SCN11A: variants seen among roughly 807,000 people sequenced by gnomAD.
The protein encoded by SCN11A is sodium voltage-gated channel alpha subunit 11.
In SCN11A, 122 loss-of-function variants were observed where a neutral mutation model predicts 162.2. The ratio of observed to expected loss-of-function variants is 0.75; its 90% CI spans 0.65 to 0.87. SCN11A has a LOEUF of 0.87. Among genes scored for constraint, SCN11A ranks in the 40% least tolerant of loss-of-function variants. The pLI, the probability that SCN11A is intolerant of heterozygous loss-of-function variation, is 0.00. For missense variants in SCN11A, 2,015 were observed against 2,181.6 expected (o/e 0.92, Z 1.52); for synonymous variants, 758 against 751.5 (o/e 1.01, Z -0.14).
chr3:38,957,202 A>T (rs932974568), intron 3 of SCN11A, among the ~76,000 whole-genome samples: 1 of 152,218 alleles, frequency 6.6e-6, no homozygotes, highest in African/African-American at 2.4e-5. Flanking sequence ...CTTAAAAAAA[A>T]ATTAAAGAGA....
intron 9 of SCN11A, among the ~76,000 whole-genome samples, chr3:38,923,370 C>T (rs1204297189): frequency 1.3e-5 from 2 of 152,144 alleles, no homozygotes; most frequent in Non-Finnish European, 2.9e-5. Flanking sequence ...TCTGACTTCT[C>T]CCTGGACTCC....
chr3:39,033,214 A>T (rs2031810724), intron 1 of SCN11A, among the ~76,000 whole-genome samples: 2 of 152,072 alleles, frequency 1.3e-5, no homozygotes, highest in Non-Finnish European at 2.9e-5. Flanking sequence ...AATTGGCAGA[A>T]GAAAGATCAA....
intron 2 of SCN11A, among the ~76,000 whole-genome samples, chr3:39,004,320 C>T (rs1423077371): frequency 6.6e-6 from 1 of 152,104 alleles, no homozygotes; most frequent in East Asian, 1.9e-4. Context: ...TGTCAAAAAA[C>T]AGATTGTTGT....
intron 17 of SCN11A, among the ~76,000 whole-genome samples, chr3:38,897,775 G>A (rs939438498): frequency 2.6e-5 from 4 of 151,924 alleles, no homozygotes; most frequent in Admixed American, 2.6e-4. Flanking sequence ...AGGACTTTGG[G>A]ATCAGCATGG....
At chr3:39,020,367 G>A (rs764892520) in intron 2 of SCN11A, among the ~76,000 whole-genome samples, 1 of 152,126 alleles carries the variant, frequency 6.6e-6, no homozygotes, top group Non-Finnish European at 1.5e-5. Flanking sequence ...CCTTTGTCCC[G>A]CCTCAGAGTT....
intron 1 of SCN11A, among the ~76,000 whole-genome samples, chr3:39,041,991 C>T (rs997483022): frequency 1.3e-5 from 2 of 151,984 alleles, no homozygotes; most frequent in African/African-American, 2.4e-5. Flanking sequence ...AGACCCAGGC[C>T]GGCACAGTGG....
Position 38,972,951 on chromosome 3 carries a change from C to T in SCN11A, c.-279-12528G>A, listed in dbSNP as rs191806527. 2.1e-3 allele frequency among the ~76,000 whole-genome samples: 315 copies of T among 152,218 alleles called. 2 individuals carry two copies. Among genetic ancestry groups the T allele is most frequent in the African/African-American group, 7.1e-3 (296 of 41,524 alleles). On this transcript the variant is annotated intron_variant, in intron 2 of 29. Transcript: ENST00000302328. The stretch of plus-strand genomic sequence containing the variant: ...TTTAGGAACATGTAGAGCTGTGTGA[C>T]GGACCAGGATTTCACACAAAATGTT...
intron 7 of SCN11A, among the ~76,000 whole-genome samples, chr3:38,935,228 T>C (rs1319754587): frequency 2.0e-5 from 3 of 151,024 alleles, no homozygotes; most frequent in Non-Finnish European, 3.0e-5. Flanking sequence ...TTCAAAGCAG[T>C]GTGTAGAGGG....
intron 7 of SCN11A, among the ~76,000 whole-genome samples, chr3:38,931,065 C>G (rs981365247): frequency 3.9e-5 from 6 of 152,202 alleles, no homozygotes; most frequent in African/African-American, 1.4e-4. Flanking sequence ...TCCTGCCCTC[C>G]TCATCAAAGG....
chr3:38,885,522 A>C, intron 20 of SCN11A, 120 bp from the exon 21 acceptor site: 1 of 628,564 alleles, frequency 1.6e-6, no homozygotes, highest in South Asian at 2.0e-5. Flanking sequence ...AAAGGTTTCT[A>C]GGATGAGAGG....
intron 1 of SCN11A, among the ~76,000 whole-genome samples, chr3:39,048,997 A>C (rs1340339068): frequency 6.6e-6 from 1 of 152,252 alleles, no homozygotes; most frequent in African/African-American, 2.4e-5. Flanking sequence ...GCTGATGTGA[A>C]GTGGATAGTG....
At chr3:38,932,334 G>A (rs1055083581) in intron 7 of SCN11A, among the ~76,000 whole-genome samples, 6 of 152,202 alleles carry the variant, frequency 3.9e-5, no homozygotes, top group South Asian at 2.1e-4. Context: ...CTGAGGTAAC[G>A]GGTTCATCTC....
intron 5 of SCN11A, 116 bp from the exon 6 acceptor site, chr3:38,947,023 T>A (rs2066528582): frequency 1.5e-6 from 1 of 664,408 alleles, no homozygotes; most frequent in Non-Finnish European, 2.6e-6. Flanking sequence ...ACATAAACTG[T>A]TGGGCTGTGG....
intron 2 of SCN11A, among the ~76,000 whole-genome samples, chr3:39,009,401 T>C (rs969538458): frequency 9.2e-5 from 14 of 151,400 alleles, no homozygotes; most frequent in African/African-American, 3.4e-4. Context: ...AGTGCATATA[T>C]ATATGTGTGT....
intron 1 of SCN11A, among the ~76,000 whole-genome samples, chr3:39,050,818 T>C (rs1312795135): frequency 2.0e-5 from 3 of 152,264 alleles, no homozygotes; most frequent in Non-Finnish European, 4.4e-5. Context: ...AACTAGTCTT[T>C]GAAATTTGGG....
At chr3:38,863,552 C>T (rs183617365) in intron 27 of SCN11A, among the ~76,000 whole-genome samples, 6 of 152,088 alleles carry the variant, frequency 3.9e-5, no homozygotes, top group African/African-American at 7.2e-5. Flanking sequence ...TACAAATCTT[C>T]GCAAATATAC....
chr3:38,925,544 C>T, intron 8 of SCN11A, 35 bp from the exon 9 acceptor site: 1 of 1,442,124 alleles, frequency 6.9e-7, no homozygotes, highest in Non-Finnish European at 9.8e-7. Flanking sequence ...CATGGGCTTG[C>T]TCAGTCCTGC....
At chr3:38,973,396 G>T (rs1268251474) in intron 2 of SCN11A, among the ~76,000 whole-genome samples, 4 of 144,642 alleles carry the variant, frequency 2.8e-5, no homozygotes, top group East Asian at 4.0e-4. Flanking sequence ...CATAAATGGT[G>T]TTGAGATACA....
intron 3 of SCN11A, among the ~76,000 whole-genome samples, chr3:38,957,075 TAGC>T (rs1468066800): frequency 6.6e-6 from 1 of 152,068 alleles, no homozygotes; most frequent in East Asian, 1.9e-4. Context: ...AATCAAGAAA[TAGC>T]AGTGTAAGCT....
Sources: gnomAD v4.1 joint callset for allele counts (sites outside exome capture counted in the v4.1 genomes callset) on GRCh38, gnomAD v4.1.1 for gene constraint, MANE v1.5 for transcripts, NCBI Gene and HGNC (gene_info 2026-07-23, HGNC 2026-07-21) for gene names.